The following NMT1 variants were observed in gnomAD, a reference collection of about 807,000 sequenced individuals.
NMT1 encodes the protein N-myristoyltransferase 1, also known as glycylpeptide N-tetradecanoyltransferase 1.
A neutral mutation model predicts 63.4 loss-of-function variants in NMT1; 12 were observed. The observed-to-expected ratio is 0.19, with a 90% CI of 0.12 to 0.31. The LOEUF (loss-of-function observed/expected upper bound fraction) is 0.31. Among genes scored for constraint, NMT1 ranks in the 10% least tolerant of loss-of-function variants. The probability of loss-of-function intolerance (pLI) is 1.00; values close to 1 mark genes in which losing one functional copy is unlikely to be tolerated. For synonymous variants in NMT1, 228 were observed against 234.3 expected (o/e 0.97, Z 0.25); for missense variants, 432 against 634.6 (o/e 0.68, Z 3.43).
chr17:45,083,285 C>T (rs1170146146), intron 2 of NMT1, among the ~76,000 whole-genome samples: 1 of 150,690 alleles, frequency 6.6e-6, no homozygotes, highest in Non-Finnish European at 1.5e-5. Flanking sequence ...CGCCATTGCA[C>T]TTCAGCCTGG....
chr17:45,089,735 C>T (rs1284146293), intron 3 of NMT1, among the ~76,000 whole-genome samples: 1 of 152,086 alleles, frequency 6.6e-6, no homozygotes, highest in Non-Finnish European at 1.5e-5. Flanking sequence ...ATCTCCTGGG[C>T]TCAAGCAATC....
Position 45,097,164 on chromosome 17 carries a change from C to T in NMT1, c.633C>T (p.His211=). The T allele has an allele frequency of 6.2e-7, 1 of 1,614,250 alleles. No individual in the cohort carries two copies. The part of the protein sequence containing the change: ...LRPPGWLPQW[H]CGVRVVSSRK... ...CACCCGGCTGGCTCCCCCAGTGGCA[C>T]TGTGGGGTTCGAGTGGTCTCAAGTC... Residue 211 remains histidine (H), a synonymous_variant, in exon 6 of 12, where the codon CAC becomes CAT. Coordinates refer to ENST00000258960, the MANE Select transcript of NMT1 (RefSeq NM_021079.5).
rs71136069 is a variant in NMT1, at chr17:45,100,862, C to CAAAAAAAAAA, written c.993+1374_993+1383dup. On this transcript the variant is annotated intron_variant, in intron 8 of 11. Coordinates refer to ENST00000258960, the MANE Select transcript of NMT1 (RefSeq NM_021079.5). ...TAGGCAACAGAGCAAGACTCCGTCT[C>CAAAAAAAAAA]AAAAAAAAAAAAAAAAAAAAAAAAA... is the stretch of plus-strand genomic sequence containing the variant. 1.5e-4 allele frequency among the ~76,000 whole-genome samples: 5 copies of CAAAAAAAAAA among 32,592 alleles called. 1 individual carries two copies. Among genetic ancestry groups the CAAAAAAAAAA allele is most frequent in the Non-Finnish European group, 2.5e-4 (5 of 20,004 alleles). 21.4% of individuals were successfully genotyped at this position (32,592 alleles called of 152,430 possible).
rs1020440494 is a variant in NMT1 at position 45,106,029 on chromosome 17, G to C, written c.*390G>C. 3 of 151,686 alleles carry C rather than the reference G, an allele frequency of 2.0e-5. No individual in the cohort carries two copies. Among genetic ancestry groups the C allele is most frequent in the Non-Finnish European group, 4.4e-5 (3 of 67,984 alleles). The allele number at this position is 151,686 out of a possible 1,614,324, so 9.4% of individuals were successfully genotyped here. A position where few individuals can be genotyped will look rare whatever the true frequency, so the allele number is the denominator to read the frequency against. On this transcript the variant is annotated 3_prime_UTR_variant, in exon 12 of 12. Transcript: ENST00000258960. Reference sequence around the variant, plus strand: ...ATGTTCCAAATGTACAAGGATGTTTGGTCTTTAATGAAAAGCTGAATCCAG... The same window carrying C: ...ATGTTCCAAATGTACAAGGATGTTTCGTCTTTAATGAAAAGCTGAATCCAG...
At position 45,103,952 on chromosome 17, in the gene NMT1, G is replaced by A. The variant is rs1484959699; in HGVS notation, c.1332+76G>A. The A allele has an allele frequency of 1.2e-6, 2 of 1,603,294 alleles. No homozygotes were observed. Among genetic ancestry groups the A allele is most frequent in the African/African-American group, 1.3e-5 (1 of 75,042 alleles). On this transcript the variant is annotated intron_variant, in intron 10 of 11. Transcript: ENST00000258960. The surrounding 1 kb of genome is among the most constrained non-coding windows in gnomAD (Gnocchi z 4.8). Reference sequence around the variant, plus strand: ...GAGCCATGGTGAGCACAGCTCCCGGGACGCAGCCTCCCATGGGCTGGAGGC... The same window carrying A: ...GAGCCATGGTGAGCACAGCTCCCGGAACGCAGCCTCCCATGGGCTGGAGGC...
intron 4 of NMT1, among the ~76,000 whole-genome samples, chr17:45,095,905 T>C (rs2301597): frequency 0.51 from 77,485 of 152,060 alleles, 20,445 homozygotes; most frequent in Middle Eastern, 0.58. Flanking sequence ...TTCACAGAAG[T>C]TGAGACCAGT....
At chr17:45,087,670 G>T (rs2054063342) in intron 3 of NMT1, among the ~76,000 whole-genome samples, 2 of 152,100 alleles carry the variant, frequency 1.3e-5, no homozygotes, top group Admixed American at 1.3e-4. Flanking sequence ...GGGAAAGTAA[G>T]TATGTTGAAA....
At chr17:45,073,091 C>G (rs577217843) in intron 1 of NMT1, among the ~76,000 whole-genome samples, 1 of 152,124 alleles carries the variant, frequency 6.6e-6, no homozygotes, top group African/African-American at 2.4e-5. Flanking sequence ...TAACTGTGTG[C>G]TCAGCACAAC....
intron 1 of NMT1, among the ~76,000 whole-genome samples, chr17:45,065,496 T>C (rs1273299422): frequency 6.6e-6 from 1 of 151,758 alleles, no homozygotes; most frequent in Non-Finnish European, 1.5e-5. Context: ...TGGTGGCGCA[T>C]GCCTGTAGTC....
At position 45,103,176 on chromosome 17, in the gene NMT1, C is replaced by A. The variant is rs886392489; in HGVS notation, c.1164+55C>A. 7.1e-6 allele frequency: 11 copies of A among 1,544,570 alleles called. No homozygotes were observed. Among genetic ancestry groups the A allele is most frequent in the African/African-American group, 2.7e-5 (2 of 73,850 alleles). ...TAACACGTTCCCAGAGAGGCACCCC[C>A]CTGAGTGGCCGGGTTCCCAGGGCTC... On this transcript the variant is annotated intron_variant, in intron 9 of 11. Coordinates refer to ENST00000258960, the MANE Select transcript of NMT1 (RefSeq NM_021079.5). This position sits in a 1 kb window ranked among gnomAD's most constrained non-coding sequence, Gnocchi z 4.8.
At position 45,093,701 on chromosome 17, in the gene NMT1, C is replaced by T. The variant is rs766241230; in HGVS notation, c.402C>T (p.Thr134=). The T allele has an allele frequency of 2.5e-6, 4 of 1,614,172 alleles. No individual in the cohort carries two copies. The highest frequency in any genetic ancestry group is 2.2e-5 in the East Asian group (1 of 44,876). The change falls in exon 4 of 12, where the codon ACC becomes ACT. Residue 134 remains threonine (T), a synonymous_variant. Transcript: ENST00000258960. ...PVPKLGEVVN[T]HGPVEPDKDN... is the part of the protein sequence containing the mutation. Reference sequence around the variant, plus strand: ...TTCTTTCAGGCGAAGTGGTGAACACCCATGGCCCCGTGGAGCCTGACAAGG... The same window carrying T: ...TTCTTTCAGGCGAAGTGGTGAACACTCATGGCCCCGTGGAGCCTGACAAGG...
chr17:45,074,360 G>A (rs961834248), intron 1 of NMT1, among the ~76,000 whole-genome samples: 1 of 151,806 alleles, frequency 6.6e-6, no homozygotes, highest in Non-Finnish European at 1.5e-5. Flanking sequence ...GACTACAGGC[G>A]CCCACCACCA....
chr17:45,061,479 T>G lies in NMT1; in HGVS notation c.131+19T>G. On this transcript the variant is annotated intron_variant, in intron 1 of 11. Coordinates refer to ENST00000258960, the MANE Select transcript of NMT1 (RefSeq NM_021079.5). Reference sequence around the variant, plus strand: ...ACCGGGGGTAACGAAATCCTCGGAGTCCAATTCCCGTCCAGCCTCCCACAA... The same window carrying G: ...ACCGGGGGTAACGAAATCCTCGGAGGCCAATTCCCGTCCAGCCTCCCACAA... The G allele has an allele frequency of 6.2e-7, 1 of 1,608,094 alleles. No individual in the cohort carries two copies. Among genetic ancestry groups the G allele is most frequent in the Non-Finnish European group, 8.5e-7 (1 of 1,177,146 alleles).
At position 45,104,945 on chromosome 17, in the gene NMT1, C is replaced by T; in HGVS notation, c.1419C>T (p.Asn473=). 1 of 1,614,126 alleles carries T rather than the reference C, an allele frequency of 6.2e-7. No individual in the cohort carries two copies. The highest frequency in any genetic ancestry group is 8.5e-7 in the Non-Finnish European group (1 of 1,180,024). Residue 473 remains asparagine (N), a synonymous_variant, in exon 11 of 12, where the codon AAC becomes AAT. Transcript: ENST00000258960. The surrounding 1 kb of genome is among the most constrained non-coding windows in gnomAD (Gnocchi z 4.2). ...EKLKFGIGDG[N]LQYYLYNWKC... is the part of the protein sequence containing the mutation. Reference sequence around the variant, plus strand: ...TCAAGTTTGGCATAGGGGACGGCAACCTGCAGTATTACCTTTACAATTGGA... The same window carrying T: ...TCAAGTTTGGCATAGGGGACGGCAATCTGCAGTATTACCTTTACAATTGGA...
chr17:45,063,270 A>C (rs2053880093), intron 1 of NMT1, among the ~76,000 whole-genome samples: 1 of 151,404 alleles, frequency 6.6e-6, no homozygotes, highest in Non-Finnish European at 1.5e-5. Flanking sequence ...TGCCAAATTT[A>C]GTTTTTATAA....
At chr17:45,086,278 C>G (rs980722861) in intron 2 of NMT1, among the ~76,000 whole-genome samples, 1 of 151,992 alleles carries the variant, frequency 6.6e-6, no homozygotes, top group African/African-American at 2.4e-5. Flanking sequence ...GTGCCCGCCA[C>G]CACGCCTGGC....
intron 1 of NMT1, among the ~76,000 whole-genome samples, chr17:45,076,263 C>T (rs1280518496): frequency 2.0e-5 from 3 of 151,944 alleles, no homozygotes; most frequent in Admixed American, 2.0e-4. Context: ...GAGCTTGGTT[C>T]CCTATGAATA....
At chr17:45,066,363 T>G (rs2053902683) in intron 1 of NMT1, among the ~76,000 whole-genome samples, 1 of 152,136 alleles carries the variant, frequency 6.6e-6, no homozygotes. Flanking sequence ...CCAGTTGTAT[T>G]AGTTACTTAT....
intron 2 of NMT1, chr17:45,083,881 G>C (rs886951069): frequency 6.6e-6 from 1 of 152,186 alleles, no homozygotes; most frequent in African/African-American, 2.4e-5. Context: ...AAATTGCTGA[G>C]ATTACAGGAG....
Sources: allele counts gnomAD v4.1 joint callset (sites outside exome capture counted in the v4.1 genomes callset), GRCh38; gene constraint gnomAD v4.1.1; non-coding constraint Gnocchi (gnomAD v3.1); transcripts MANE v1.5; gene names NCBI Gene and HGNC (gene_info 2026-07-23, HGNC 2026-07-21).